The following RHOU variants were observed in gnomAD, a reference collection of about 807,000 sequenced individuals.
RHOU encodes the protein ras homolog family member U.
RHOU carries 8 observed loss-of-function variants against 12.6 expected under a neutral mutation model. The ratio of observed to expected loss-of-function variants is 0.64; its 90% CI spans 0.37 to 1.15. The LOEUF is 1.15. Among genes scored for constraint, RHOU ranks in the 50% most tolerant of loss-of-function variants. The pLI is 0.01. For synonymous variants in RHOU, 161 were observed against 147.4 expected, an observed-to-expected ratio of 1.09 and a Z score of -0.67; for missense variants, 258 against 347.0, an observed-to-expected ratio of 0.74 and a Z score of 2.04.
At chr1:228,690,645 T>A in the RHOU span, among the ~76,000 whole-genome samples, 1 of 142,630 alleles carries the variant, frequency 7.0e-6, no homozygotes, top group Admixed American at 7.2e-5. Flanking sequence ...TGAGATGGAG[T>A]TTTGCTCTTT....
At chr1:228,695,387 A>G in the RHOU span, among the ~76,000 whole-genome samples, 172 of 152,144 alleles carry the variant, frequency 1.1e-3, no homozygotes, top group Non-Finnish European at 2.2e-3. Context: ...CAAACAATCA[A>G]TTCTGTAGTG....
chr1:228,693,000 C>A, the RHOU span, among the ~76,000 whole-genome samples: 2 of 152,094 alleles, frequency 1.3e-5, no homozygotes, highest in African/African-American at 4.8e-5. Flanking sequence ...TGAGCAGATG[C>A]CCAAAACCGT....
chr1:228,707,126 A>ATATATATATATATATATATATATATG, the RHOU span, among the ~76,000 whole-genome samples: 1 of 75,374 alleles, frequency 1.3e-5, no homozygotes, highest in African/African-American at 1.5e-4. Context: ...ATATATATAT[A>ATATATATATATATATATATATATATG]CATATATATA....
At chr1:228,719,032 T>C in the RHOU span, among the ~76,000 whole-genome samples, 578 of 152,316 alleles carry the variant, frequency 3.8e-3, 3 homozygotes, top group Middle Eastern at 0.027. Context: ...AGCCCTTTAA[T>C]GGCATCTATT....
chr1:228,675,255 T>G, the RHOU span, among the ~76,000 whole-genome samples: 1 of 152,164 alleles, frequency 6.6e-6, no homozygotes, highest in Admixed American at 6.5e-5. Flanking sequence ...ATGGGTCTGT[T>G]TATGGAATCT....
At position 228,746,637 on chromosome 1, in the gene RHOU, T is replaced by C. The variant is rs1009715142; in HGVS notation, c.*2897T>C. ...GTACTTGAAAATGCTATAAGTGAGA[T>C]GGTATGAAATAAATTCTGACTTATG... On this transcript the variant is annotated 3_prime_UTR_variant, in exon 3 of 3. Coordinates refer to ENST00000366691, the MANE Select transcript of RHOU (RefSeq NM_021205.6). The C allele has an allele frequency of 1.3e-5, 2 of 152,232 alleles. No individual in the cohort carries two copies. Among genetic ancestry groups the C allele is most frequent in the African/African-American group, 4.8e-5 (2 of 41,460 alleles). The allele number at this position is 152,232 out of a possible 1,614,324, so 9.4% of individuals were successfully genotyped here.
the RHOU span, among the ~76,000 whole-genome samples, chr1:228,676,137 C>G: frequency 1.3e-5 from 2 of 150,712 alleles, no homozygotes; most frequent in Non-Finnish European, 3.0e-5. Flanking sequence ...AACCGCCCCC[C>G]CCCTTTTTTT....
chr1:228,739,730 C>T (rs527615908), intron 2 of RHOU, among the ~76,000 whole-genome samples: 6 of 152,336 alleles, frequency 3.9e-5, no homozygotes, highest in Admixed American at 1.3e-4. Context: ...CACCTACCTG[C>T]CCCAGGATGT....
chr1:228,661,805 C>G, the RHOU span, among the ~76,000 whole-genome samples: 1 of 152,116 alleles, frequency 6.6e-6, no homozygotes, highest in Non-Finnish European at 1.5e-5. Flanking sequence ...AAAGCAATGG[C>G]AACAAAAGCC....
chr1:228,663,736 G>A, the RHOU span, among the ~76,000 whole-genome samples: 1 of 142,674 alleles, frequency 7.0e-6, no homozygotes, highest in East Asian at 2.2e-4. Flanking sequence ...GAGATCAAGC[G>A]ATTCTCCTGC....
chr1:228,662,925 AT>A, the RHOU span, among the ~76,000 whole-genome samples: 1 of 151,996 alleles, frequency 6.6e-6, no homozygotes, highest in Non-Finnish European at 1.5e-5. Context: ...TCCCCATGAT[AT>A]TTCTGTTTAA....
the RHOU span, chr1:228,648,084 C>G: frequency 6.6e-6 from 1 of 152,282 alleles, no homozygotes; most frequent in Non-Finnish European, 1.5e-5. Flanking sequence ...CACGCCCGTC[C>G]GACTCCATGC....
the RHOU span, among the ~76,000 whole-genome samples, chr1:228,666,777 T>C: frequency 1.3e-5 from 2 of 152,200 alleles, no homozygotes; most frequent in East Asian, 1.9e-4. Context: ...AAATTTATTG[T>C]GCTTTTGGAT....
upstream of RHOU, among the ~76,000 whole-genome samples, chr1:228,732,724 G>C (rs1662519857): frequency 6.6e-6 from 1 of 152,148 alleles, no homozygotes; most frequent in Non-Finnish European, 1.5e-5. Flanking sequence ...AAAAGCAAGA[G>C]GGGGACGCAC....
At chr1:228,677,529 G>C in the RHOU span, among the ~76,000 whole-genome samples, 1 of 151,972 alleles carries the variant, frequency 6.6e-6, no homozygotes, top group Non-Finnish European at 1.5e-5. Context: ...GAGTAAGTCA[G>C]GGCCTCAGCG....
At chr1:228,703,535 A>G in the RHOU span, among the ~76,000 whole-genome samples, 3 of 151,768 alleles carry the variant, frequency 2.0e-5, no homozygotes, top group Non-Finnish European at 4.4e-5. Flanking sequence ...CTGAAAAAAA[A>G]AAAGTGTTTT....
chr1:228,657,330 G>GA, the RHOU span, among the ~76,000 whole-genome samples: 1 of 88,160 alleles, frequency 1.1e-5, no homozygotes, highest in African/African-American at 4.1e-5. Flanking sequence ...AAAAAAAAAA[G>GA]AAAAAAGATA....
the RHOU span, among the ~76,000 whole-genome samples, chr1:228,672,183 T>C: frequency 6.6e-6 from 1 of 152,250 alleles, no homozygotes; most frequent in Admixed American, 6.5e-5. Flanking sequence ...ATACATGTTT[T>C]TGAGATGGAG....
chr1:228,703,259 T>G, the RHOU span, among the ~76,000 whole-genome samples: 149,156 of 152,260 alleles, frequency 0.98, 73,070 homozygotes, highest in African/African-American at 0.99. Context: ...AGGCGCGGCG[T>G]CTCACATCTG....
Sources: allele counts gnomAD v4.1 joint callset (sites outside exome capture counted in the v4.1 genomes callset), GRCh38; gene constraint gnomAD v4.1.1; transcripts MANE v1.5; gene names NCBI Gene and HGNC (gene_info 2026-07-23, HGNC 2026-07-21).